Variants in ASAP2 observed in about 807,000 individuals in gnomAD.
ASAP2 encodes ArfGAP with SH3 domain, ankyrin repeat and PH domain 2.
In ASAP2, 45 loss-of-function variants were observed where a neutral mutation model predicts 131.4. That is an observed-to-expected ratio of 0.34 (90% confidence interval 0.27 to 0.44). ASAP2 has a LOEUF of 0.44. ASAP2 is among the 20% of genes least tolerant of loss of function. The probability of loss-of-function intolerance (pLI) is 1.00; values close to 1 mark genes in which losing one functional copy is unlikely to be tolerated. For missense variants in ASAP2, 1,011 were observed against 1,297.0 expected, an observed-to-expected ratio of 0.78 and a Z score of 3.39; for synonymous variants, 510 against 503.0, an observed-to-expected ratio of 1.01 and a Z score of -0.19.
intron 1 of ASAP2, among the ~76,000 whole-genome samples, chr2:9,222,727 C>G (rs1043499899): frequency 1.3e-5 from 2 of 152,058 alleles, no homozygotes; most frequent in African/African-American, 4.8e-5. Flanking sequence ...GAAGAGGTGC[C>G]GGTGGGTGTG....
chr2:9,321,987 C>T (rs1474917671), intron 5 of ASAP2, among the ~76,000 whole-genome samples: 1 of 152,136 alleles, frequency 6.6e-6, no homozygotes, highest in East Asian at 1.9e-4. Context: ...AATTCCTGGG[C>T]AGTAGTCCCA....
Position 9,388,482 on chromosome 2 carries a change from C to T in ASAP2, c.2319C>T (p.Pro773=), listed in dbSNP as rs1354685733. The T allele has an allele frequency of 6.2e-6, 10 of 1,613,882 alleles. No individual in the cohort carries two copies. The highest frequency in any genetic ancestry group is 3.3e-5 in the South Asian group (3 of 91,050). ...CCCTCCTGAGTGGCAGCCCACCTCC[C>T]GCCCAGCCTGCAGCCCCCAGCACCA... The part of the protein sequence containing the change: ...YGALLSGSPP[P]AQPAAPSTTS... The change falls in exon 22 of 28, where the codon CCC becomes CCT. Residue 773 remains proline, a synonymous_variant. Transcript: ENST00000281419.
chr2:9,300,967 G>C (rs1292118567), intron 3 of ASAP2, among the ~76,000 whole-genome samples: 2 of 152,252 alleles, frequency 1.3e-5, no homozygotes, highest in Admixed American at 6.5e-5. Context: ...TTCCAGGCCA[G>C]CGCCGGTGTG....
At chr2:9,380,416 T>G (rs1432473655) in intron 19 of ASAP2, among the ~76,000 whole-genome samples, 3 of 152,140 alleles carry the variant, frequency 2.0e-5, no homozygotes, top group African/African-American at 7.2e-5. Flanking sequence ...CAGGCTGGTC[T>G]CGAACTCCTG....
intron 21 of ASAP2, among the ~76,000 whole-genome samples, chr2:9,386,970 T>C (rs537555184): frequency 5.9e-5 from 9 of 151,992 alleles, no homozygotes; most frequent in East Asian, 3.9e-4. Flanking sequence ...TTTGGGAGGC[T>C]GAGGCGGGCG....
At position 9,247,182 on chromosome 2, in the gene ASAP2, G is replaced by A. The variant is rs865805997; in HGVS notation, c.127-32135G>A. Among the ~76,000 whole-genome samples the A allele has an allele frequency of 4.6e-5, 7 of 152,316 alleles. No individual in the cohort carries two copies. In the South Asian group the frequency reaches 1.0e-3, roughly 23 times the overall value. ...GAGGAGAAAGGTCTTCTTCCTGACA[G>A]CAGTCTGTCTGCTCGTGAGTTTTGA... On this transcript the variant is annotated intron_variant, in intron 1 of 27. Coordinates refer to ENST00000281419, the MANE Select transcript of ASAP2 (RefSeq NM_003887.3).
intron 1 of ASAP2, among the ~76,000 whole-genome samples, chr2:9,272,311 A>G (rs1192053089): frequency 1.3e-5 from 2 of 152,180 alleles, no homozygotes; most frequent in Non-Finnish European, 2.9e-5. Context: ...ATGATCAATG[A>G]TGTTGAACAC....
intron 21 of ASAP2, among the ~76,000 whole-genome samples, chr2:9,387,019 A>G (rs1675308983): frequency 6.8e-6 from 1 of 147,424 alleles, no homozygotes; most frequent in Non-Finnish European, 1.5e-5. Flanking sequence ...CTTGGCTAAC[A>G]CGGTGAAACC....
chr2:9,207,317 C>CT lies in ASAP2; in HGVS notation c.126+90dup, dbSNP rs1195375129. On this transcript the variant is annotated intron_variant, in intron 1 of 27. Transcript: ENST00000281419. This position sits in a 1 kb window ranked among gnomAD's most constrained non-coding sequence, Gnocchi z 4.1. ...CTCCCGCATCCGCATCCCGAGAAAA[C>CT]TTTCTTTGCTCCGAAGCCGGACGCG... 4 of 1,426,530 alleles carry CT rather than the reference C, an allele frequency of 2.8e-6. No individual in the cohort carries two copies. The highest frequency in any genetic ancestry group is 1.8e-6 in the Non-Finnish European group (2 of 1,089,756). 88.4% of individuals were successfully genotyped at this position (1,426,530 alleles called of 1,614,324 possible).
At chr2:9,265,487 A>G (rs1665877375) in intron 1 of ASAP2, among the ~76,000 whole-genome samples, 1 of 152,258 alleles carries the variant, frequency 6.6e-6, no homozygotes, top group Non-Finnish European at 1.5e-5. Flanking sequence ...AAGGGTAACA[A>G]AGTATAGGAT....
intron 2 of ASAP2, among the ~76,000 whole-genome samples, chr2:9,285,116 T>C (rs528718260): frequency 6.6e-6 from 1 of 152,258 alleles, no homozygotes; most frequent in South Asian, 2.1e-4. Flanking sequence ...ATGATGGGGT[T>C]AGTGCCCTGC....
intron 14 of ASAP2, 101 bp from the exon 15 acceptor site, chr2:9,358,655 A>T: frequency 7.1e-7 from 1 of 1,412,206 alleles, no homozygotes; most frequent in Non-Finnish European, 9.5e-7. Context: ...GAAAATGCTC[A>T]TGCTCAGAAC....
intron 4 of ASAP2, 69 bp from the exon 5 acceptor site, chr2:9,320,219 G>A: frequency 7.6e-7 from 1 of 1,309,038 alleles, no homozygotes; most frequent in Non-Finnish European, 1.1e-6. Context: ...CTAGTACAGG[G>A]ATAAGTAAGT....
chr2:9,272,826 A>T (rs1666492855), intron 1 of ASAP2, among the ~76,000 whole-genome samples: 1 of 152,090 alleles, frequency 6.6e-6, no homozygotes, highest in Non-Finnish European at 1.5e-5. Flanking sequence ...TCCCCAGTGT[A>T]TGTTCTTGGC....
rs898027204 is a variant in ASAP2, at chr2:9,207,874, T to G, written c.126+644T>G. ...CCCGGTTACCTGGGTCTCACCTGCT[T>G]GAACCCGGAATGCCGCCCTTCCCCC... On this transcript the variant is annotated intron_variant, in intron 1 of 27. Coordinates refer to ENST00000281419, the MANE Select transcript of ASAP2 (RefSeq NM_003887.3). This position sits in a 1 kb window ranked among gnomAD's most constrained non-coding sequence, Gnocchi z 4.1. Among the ~76,000 whole-genome samples, 8 of 152,192 alleles carry G rather than the reference T, an allele frequency of 5.3e-5. No homozygotes were observed. The highest frequency in any genetic ancestry group is 1.2e-4 in the Non-Finnish European group (8 of 68,026).
At chr2:9,261,199 G>A (rs1267577520) in intron 1 of ASAP2, among the ~76,000 whole-genome samples, 1 of 152,194 alleles carries the variant, frequency 6.6e-6, no homozygotes, top group East Asian at 1.9e-4. Context: ...GTAATGCCGG[G>A]TGGTTATTTT....
intron 1 of ASAP2, among the ~76,000 whole-genome samples, chr2:9,208,588 C>G (rs1043964944): frequency 2.0e-5 from 3 of 152,094 alleles, no homozygotes; most frequent in African/African-American, 7.2e-5. Flanking sequence ...ACTTGGGTAG[C>G]CTTCCTTCTC....
At chr2:9,284,385 GT>G (rs1429000686) in intron 2 of ASAP2, among the ~76,000 whole-genome samples, 1 of 152,048 alleles carries the variant, frequency 6.6e-6, no homozygotes, top group Non-Finnish European at 1.5e-5. Context: ...TCTTTTCTCA[GT>G]TAATTAGAAG....
intron 9 of ASAP2, among the ~76,000 whole-genome samples, chr2:9,339,631 G>A (rs1390076466): frequency 6.6e-6 from 1 of 152,138 alleles, no homozygotes; most frequent in Admixed American, 6.5e-5. Flanking sequence ...CGCGCTCTTA[G>A]AGGTTCAACA....
Sources: gnomAD v4.1 joint callset for allele counts (sites outside exome capture counted in the v4.1 genomes callset) on GRCh38, gnomAD v4.1.1 for gene constraint, Gnocchi (gnomAD v3.1) non-coding constraint, MANE v1.5 for transcripts, NCBI Gene and HGNC (gene_info 2026-07-23, HGNC 2026-07-21) for gene names.